XXYLT1: variants seen among roughly 807,000 people sequenced by gnomAD.
The protein encoded by XXYLT1 is UDP-xylose:alpha-xyloside alpha-1,3-xylosyltransferase.
A neutral mutation model predicts 28.9 loss-of-function variants in XXYLT1; 20 were observed. That is an observed-to-expected ratio of 0.69 (90% CI 0.49 to 1.00). XXYLT1 has a LOEUF of 1.00. XXYLT1 is among the 50% of genes least tolerant of loss of function. The pLI, the probability that XXYLT1 is intolerant of heterozygous loss-of-function variation, is 0.00. For missense variants in XXYLT1, 542 were observed against 560.1 expected, an observed-to-expected ratio of 0.97 and a Z score of 0.33; for synonymous variants, 257 against 253.8, an observed-to-expected ratio of 1.01 and a Z score of -0.12.
chr3:195,160,891 C>T (rs543772357), intron 2 of XXYLT1, among the ~76,000 whole-genome samples: 3 of 152,328 alleles, frequency 2.0e-5, no homozygotes, highest in Non-Finnish European at 2.9e-5. Context: ...AAACTTGGGT[C>T]GCTTCTGGGC....
intron 3 of XXYLT1, among the ~76,000 whole-genome samples, chr3:195,134,864 T>TGC (rs1387321527): frequency 2.7e-4 from 25 of 93,162 alleles, no homozygotes; most frequent in African/African-American, 1.2e-3. Flanking sequence ...TGTGTGTGTG[T>TGC]GTGTGCGTGT....
chr3:195,187,290 C>G (rs1430236425), intron 2 of XXYLT1, among the ~76,000 whole-genome samples: 2 of 151,794 alleles, frequency 1.3e-5, no homozygotes, highest in African/African-American at 4.8e-5. Context: ...GTCTCGAACT[C>G]CTGACCTCGT....
chr3:195,270,370 G>A (rs1445235395), intron 1 of XXYLT1, 185 bp downstream of exon 1: 1 of 933,110 alleles, frequency 1.1e-6, no homozygotes, highest in Non-Finnish European at 1.3e-6. Context: ...CCAGCTGAGG[G>A]CGTCTGGCTC....
In XXYLT1 at chr3:195,240,401, G is replaced by A. The variant is rs1364383484; in HGVS notation, c.505-13545C>T. Reference sequence around the variant, plus strand: ...TGAGATGCCTGAGAGCCAGGCCACCGCTCCTCTAAACACTCCCTGGGGACA... The same window carrying A: ...TGAGATGCCTGAGAGCCAGGCCACCACTCCTCTAAACACTCCCTGGGGACA... On this transcript the variant is annotated intron_variant, in intron 1 of 3. Coordinates refer to ENST00000310380, the MANE Select transcript of XXYLT1 (RefSeq NM_152531.5). The surrounding 1 kb of genome is among the most constrained non-coding windows in gnomAD (Gnocchi z 4.7). 1.3e-5 allele frequency among the ~76,000 whole-genome samples: 2 copies of A among 152,200 alleles called. No individual in the cohort carries two copies. Among genetic ancestry groups the A allele is most frequent in the African/African-American group, 2.4e-5 (1 of 41,440 alleles).
chr3:195,192,189 G>A (rs1343675020), intron 2 of XXYLT1, among the ~76,000 whole-genome samples: 1 of 152,206 alleles, frequency 6.6e-6, no homozygotes. Context: ...TTGGGAGGCT[G>A]AGGCAGGTGG....
At chr3:195,193,816 ACAGT>A (rs1484138644) in intron 2 of XXYLT1, among the ~76,000 whole-genome samples, 1 of 152,236 alleles carries the variant, frequency 6.6e-6, no homozygotes, top group Non-Finnish European at 1.5e-5. Context: ...CGGGTAAAGG[ACAGT>A]CAATTAGATA....
At chr3:195,172,981 A>G (rs1721484274) in intron 2 of XXYLT1, among the ~76,000 whole-genome samples, 1 of 152,166 alleles carries the variant, frequency 6.6e-6, no homozygotes, top group South Asian at 2.1e-4. Context: ...AGGTGGACAC[A>G]CCTGATCGGG....
At chr3:195,192,295 T>C (rs1368526931) in intron 2 of XXYLT1, among the ~76,000 whole-genome samples, 1 of 152,008 alleles carries the variant, frequency 6.6e-6, no homozygotes, top group Non-Finnish European at 1.5e-5. Flanking sequence ...TGTGGTGGCA[T>C]GCACCAGTAG....
chr3:195,267,943 A>G (rs72607893), intron 1 of XXYLT1, among the ~76,000 whole-genome samples: 4,271 of 152,284 alleles, frequency 0.028, 136 homozygotes, highest in East Asian at 0.11. Flanking sequence ...TAAAGGAAAA[A>G]AAGAGCACTT....
At chr3:195,268,144 C>T (rs10933704) in intron 1 of XXYLT1, among the ~76,000 whole-genome samples, 45,659 of 151,810 alleles carry the variant, frequency 0.3, 7,974 homozygotes, top group East Asian at 0.83. Context: ...AACAAAGTAA[C>T]GGAGGCCAGG....
At chr3:195,159,599 C>T (rs1014387226) in intron 2 of XXYLT1, among the ~76,000 whole-genome samples, 6 of 152,202 alleles carry the variant, frequency 3.9e-5, no homozygotes, top group African/African-American at 9.7e-5. Flanking sequence ...CAAGTGAGTA[C>T]AAGCTAAAGG....
intron 1 of XXYLT1, among the ~76,000 whole-genome samples, chr3:195,251,084 A>G (rs1725234139): frequency 6.6e-6 from 1 of 152,230 alleles, no homozygotes. Context: ...CTCAAGCTAC[A>G]TGAAAGCACA....
chr3:195,090,654 G>C (rs1248785752), intron 3 of XXYLT1, among the ~76,000 whole-genome samples: 2 of 148,666 alleles, frequency 1.3e-5, no homozygotes, highest in African/African-American at 2.6e-5. Flanking sequence ...AAAGCTAGCA[G>C]AAGGCAAGAA....
chr3:195,248,152 G>A (rs950657440), intron 1 of XXYLT1, among the ~76,000 whole-genome samples: 3 of 151,958 alleles, frequency 2.0e-5, no homozygotes, highest in African/African-American at 7.3e-5. Flanking sequence ...GCGTCCTGTG[G>A]GCACACGGAC....
At chr3:195,179,355 A>G (rs77128714) in intron 2 of XXYLT1, among the ~76,000 whole-genome samples, 1 of 151,910 alleles carries the variant, frequency 6.6e-6, no homozygotes, top group African/African-American at 2.4e-5. Context: ...AAAAAAAGAA[A>G]AAAAAAAAAA....
Position 195,209,299 on chromosome 3 carries a change from C to T in XXYLT1, c.652+17410G>A, listed in dbSNP as rs3796161. ...CGGAGACAAGCCGCTCTCAAACTGT[C>T]TTGTCATCGAGTGCCACACCCGCTG... On this transcript the variant is annotated intron_variant, in intron 2 of 3. Transcript: ENST00000310380. The surrounding 1 kb of genome is among the most constrained non-coding windows in gnomAD (Gnocchi z 5.0). The T allele has an allele frequency of 0.12, 18,765 of 152,420 alleles. 1,692 individuals carry two copies. Among genetic ancestry groups the T allele is most frequent in the African/African-American group, 0.25 (10,506 of 41,550 alleles). The allele number at this position is 152,420 out of a possible 1,614,324, so 9.4% of individuals were successfully genotyped here. A position where few individuals can be genotyped will look rare whatever the true frequency, so the allele number is the denominator to read the frequency against.
intron 1 of XXYLT1, among the ~76,000 whole-genome samples, chr3:195,252,727 C>CACACAGAGAGAG (rs1191544595): frequency 8.4e-6 from 1 of 119,010 alleles, no homozygotes; most frequent in East Asian, 2.3e-4. Context: ...CACACACACA[C>CACACAGAGAGAG]AGAGAGAGAG....
chr3:195,135,649 T>G (rs1362608311), intron 3 of XXYLT1, among the ~76,000 whole-genome samples: 1 of 152,126 alleles, frequency 6.6e-6, no homozygotes, highest in Admixed American at 6.5e-5. Context: ...GCTTTTGCAG[T>G]ACATAGCAGG....
chr3:195,237,642 C>A (rs1195957422), intron 1 of XXYLT1, among the ~76,000 whole-genome samples: 1 of 151,942 alleles, frequency 6.6e-6, no homozygotes, highest in Non-Finnish European at 1.5e-5. Context: ...CCACCTCCAG[C>A]CTAACCATAA....
Sources: gnomAD v4.1 joint callset for allele counts (sites outside exome capture counted in the v4.1 genomes callset) on GRCh38, gnomAD v4.1.1 for gene constraint, Gnocchi (gnomAD v3.1) non-coding constraint, MANE v1.5 for transcripts, NCBI Gene and HGNC (gene_info 2026-07-23, HGNC 2026-07-21) for gene names.